BTBD8: variants seen among roughly 807,000 people sequenced by gnomAD.
The protein encoded by BTBD8 is BTB/POZ domain-containing protein 8.
In BTBD8, 110 loss-of-function variants were observed where a neutral mutation model predicts 162.9. The observed-to-expected ratio is 0.68, with a 90% CI of 0.58 to 0.79. BTBD8 has a LOEUF of 0.79. BTBD8 is among the 30% of genes least tolerant of loss of function. The pLI, the probability that BTBD8 is intolerant of heterozygous loss-of-function variation, is 0.00. For synonymous variants in BTBD8, 667 were observed against 716.1 expected (o/e 0.93, Z 1.10); for missense variants, 1,905 against 2,085.4 (o/e 0.91, Z 1.68).
chr1:92,088,375 ATATC>A (rs1648213542), intron 1 of BTBD8, among the ~76,000 whole-genome samples: 1 of 152,218 alleles, frequency 6.6e-6, no homozygotes, highest in Non-Finnish European at 1.5e-5. Context: ...AGAAGATAGT[ATATC>A]TAAAGGAAAA....
intron 4 of BTBD8, among the ~76,000 whole-genome samples, chr1:92,126,715 A>G (rs778663315): frequency 2.0e-5 from 3 of 152,238 alleles, no homozygotes; most frequent in South Asian, 2.1e-4. Flanking sequence ...TTAGCATTCA[A>G]CCTCTGAGCA....
intron 2 of BTBD8, among the ~76,000 whole-genome samples, chr1:92,099,249 G>A (rs1414136552): frequency 6.6e-6 from 1 of 152,078 alleles, no homozygotes; most frequent in African/African-American, 2.4e-5. Flanking sequence ...TGATCTACAT[G>A]TCCACCATTC....
intron 4 of BTBD8, chr1:92,126,559 A>G (rs557647125): frequency 1.1e-5 from 5 of 458,030 alleles, no homozygotes; most frequent in Non-Finnish European, 1.7e-5. Context: ...CCAAATGGAC[A>G]CTGGCATCAC....
chr1:92,081,045 C>T (rs532287219), intron 1 of BTBD8, among the ~76,000 whole-genome samples: 1 of 152,276 alleles, frequency 6.6e-6, no homozygotes, highest in African/African-American at 2.4e-5. Flanking sequence ...TCGGGTGGAT[C>T]CAGGTCCTGA....
At position 92,176,901 on chromosome 1, in the gene BTBD8, T is replaced by TG; in HGVS notation, c.1710dup (p.Ser571GlufsTer6). 6.5e-7 allele frequency: 1 copy of TG among 1,528,918 alleles called. No individual in the cohort carries two copies. 94.7% of individuals were successfully genotyped at this position (1,528,918 alleles called of 1,614,324 possible). ...GAGGGGAAATAACAAGAAAGAGTGTTGGAGTTATCTCTCTACTAATAAAAA... is the reference window on the plus strand; with the variant it reads ...GAGGGGAAATAACAAGAAAGAGTGTTGGGAGTTATCTCTCTACTAATAAAAA... On this transcript the variant is annotated frameshift_variant, in exon 14 of 18. Coordinates refer to ENST00000636805, the MANE Select transcript of BTBD8 (RefSeq NM_001376131.1). LOFTEE classifies it high-confidence loss of function.
In BTBD8 at chr1:92,094,643, A is replaced by C. The variant is rs569513267; in HGVS notation, c.347+5748A>C. On this transcript the variant is annotated intron_variant, in intron 2 of 17. Coordinates refer to ENST00000636805, the MANE Select transcript of BTBD8 (RefSeq NM_001376131.1). ...AAGTTGTTTTATATGCAGTGACTTC[A>C]GATATGCCTCAAATGATTGTCAGTG... Among the ~76,000 whole-genome samples the C allele has an allele frequency of 3.3e-5, 5 of 152,354 alleles. No individual in the cohort carries two copies. The South Asian group carries it at 1.0e-3, about 32-fold the overall frequency.
At chr1:92,145,081 A>T (rs1649879026) in intron 7 of BTBD8, among the ~76,000 whole-genome samples, 2 of 152,102 alleles carry the variant, frequency 1.3e-5, no homozygotes, top group Non-Finnish European at 1.5e-5. Flanking sequence ...TTCCTGCCTC[A>T]GCCTCCTGAG....
chr1:92,177,733 T>C, intron 14 of BTBD8, 78 bp from the exon 15 acceptor site: 1 of 926,412 alleles, frequency 1.1e-6, no homozygotes, highest in Middle Eastern at 2.3e-4. Flanking sequence ...TTGTTTATAG[T>C]GTCTAACCAG....
chr1:92,115,633 C>T (rs1056739821), intron 4 of BTBD8: 18 of 382,482 alleles, frequency 4.7e-5, no homozygotes, highest in South Asian at 9.3e-5. Flanking sequence ...TTGACGATGC[C>T]GTGGAACTTG....
chr1:92,118,717 A>C (rs1360741927), intron 4 of BTBD8, among the ~76,000 whole-genome samples: 1 of 151,300 alleles, frequency 6.6e-6, no homozygotes, highest in East Asian at 1.9e-4. Flanking sequence ...TCTACATATT[A>C]ATTTATTCAA....
chr1:92,164,319 C>A (rs1316325278), intron 9 of BTBD8, among the ~76,000 whole-genome samples: 1 of 151,770 alleles, frequency 6.6e-6, no homozygotes, highest in Admixed American at 6.6e-5. Context: ...AGACTCCATC[C>A]CTACAAAATT....
intron 5 of BTBD8, among the ~76,000 whole-genome samples, chr1:92,138,904 T>G (rs115806885): frequency 0.015 from 2,230 of 152,286 alleles, 22 homozygotes; most frequent in Non-Finnish European, 0.019. Flanking sequence ...CGTTGGCCAA[T>G]CTTAGAGCCA....
chr1:92,119,987 A>G (rs1031340112), intron 4 of BTBD8, among the ~76,000 whole-genome samples: 2 of 124,414 alleles, frequency 1.6e-5, no homozygotes, highest in African/African-American at 6.3e-5. Flanking sequence ...TGCAACCTCT[A>G]CCTCCTGGGT....
At chr1:92,112,150 C>T (rs1245936385) in intron 4 of BTBD8, among the ~76,000 whole-genome samples, 1 of 152,076 alleles carries the variant, frequency 6.6e-6, no homozygotes, top group East Asian at 1.9e-4. Flanking sequence ...TGATTCACAC[C>T]TGTTATCCCA....
intron 9 of BTBD8, among the ~76,000 whole-genome samples, chr1:92,162,970 T>C (rs549790040): frequency 6.6e-6 from 1 of 152,246 alleles, no homozygotes; most frequent in African/African-American, 2.4e-5. Flanking sequence ...TTGTGATATA[T>C]CTATATTATG....
At chr1:92,141,285 G>A (rs1259874921) in intron 7 of BTBD8, 74 bp downstream of exon 7, 1 of 1,407,598 alleles carries the variant, frequency 7.1e-7, no homozygotes, top group Non-Finnish European at 9.4e-7. Context: ...TTTTAACTCT[G>A]ATAGTAATAG....
intron 9 of BTBD8, among the ~76,000 whole-genome samples, chr1:92,151,619 T>A (rs529098908): frequency 1.3e-5 from 2 of 152,246 alleles, no homozygotes; most frequent in East Asian, 3.9e-4. Context: ...AGTGGTGAAG[T>A]CTGAGATTTT....
At chr1:92,149,735 A>G (rs1570746002) in intron 9 of BTBD8, among the ~76,000 whole-genome samples, 1 of 152,174 alleles carries the variant, frequency 6.6e-6, no homozygotes, top group Admixed American at 6.5e-5. Context: ...CTGCAGCCAG[A>G]TCTGTAACTG....
At chr1:92,154,996 C>G (rs982482363) in intron 9 of BTBD8, among the ~76,000 whole-genome samples, 1 of 152,120 alleles carries the variant, frequency 6.6e-6, no homozygotes, top group African/African-American at 2.4e-5. Context: ...CCAGTTTTCC[C>G]AGCACTGTTT....
Sources: allele counts gnomAD v4.1 joint callset (sites outside exome capture counted in the v4.1 genomes callset), GRCh38; gene constraint gnomAD v4.1.1; transcripts MANE v1.5; gene names NCBI Gene and HGNC (gene_info 2026-07-23, HGNC 2026-07-21).